SEMA5B: variants seen among roughly 807,000 people sequenced by gnomAD.
SEMA5B encodes semaphorin-5B.
Under a neutral mutation model 135.0 loss-of-function variants are expected in SEMA5B, and 66 were observed. The ratio of observed to expected loss-of-function variants is 0.49; its 90% CI spans 0.40 to 0.60. SEMA5B has a LOEUF of 0.60. Ranked by LOEUF, SEMA5B falls within the 20% of genes least tolerant of loss-of-function variation. The pLI is 0.00. For missense variants in SEMA5B, 1,501 were observed against 1,566.3 expected (o/e 0.96, Z 0.70); for synonymous variants, 690 against 639.5 (o/e 1.08, Z -1.19).
At chr3:122,966,548 A>AT (rs1940832222) in intron 1 of SEMA5B, among the ~76,000 whole-genome samples, 1 of 147,412 alleles carries the variant, frequency 6.8e-6, no homozygotes, top group Non-Finnish European at 1.5e-5. Flanking sequence ...TATTATTATT[A>AT]TTATTATTAT....
intron 1 of SEMA5B, among the ~76,000 whole-genome samples, chr3:123,012,300 C>T (rs1445177373): frequency 3.3e-5 from 5 of 152,148 alleles, no homozygotes; most frequent in Non-Finnish European, 7.4e-5. Context: ...AAGGCTTTCA[C>T]CCACCCCTAA....
At chr3:123,001,559 T>C (rs1294657824) in intron 1 of SEMA5B, among the ~76,000 whole-genome samples, 1 of 152,204 alleles carries the variant, frequency 6.6e-6, no homozygotes, top group Non-Finnish European at 1.5e-5. Flanking sequence ...TAATTCCCAG[T>C]GACCAAAAAT....
intron 1 of SEMA5B, among the ~76,000 whole-genome samples, chr3:122,974,503 G>A (rs543479536): frequency 6.6e-6 from 1 of 152,362 alleles, no homozygotes; most frequent in Non-Finnish European, 1.5e-5. Flanking sequence ...CAAGGCAGCT[G>A]ACTGGTCCTT....
chr3:122,992,619 C>T (rs1052309407), intron 1 of SEMA5B, among the ~76,000 whole-genome samples: 2 of 152,168 alleles, frequency 1.3e-5, no homozygotes, highest in African/African-American at 4.8e-5. Flanking sequence ...ACCTCCTCAC[C>T]CCCTATTGGC....
At chr3:122,993,871 G>A (rs1268273417) in intron 1 of SEMA5B, among the ~76,000 whole-genome samples, 2 of 151,758 alleles carry the variant, frequency 1.3e-5, no homozygotes, top group Non-Finnish European at 2.9e-5. Context: ...AGCATTTCAC[G>A]AAATAGTCAG....
At chr3:122,932,123 A>G (rs1025038982) in intron 5 of SEMA5B, among the ~76,000 whole-genome samples, 5 of 151,918 alleles carry the variant, frequency 3.3e-5, no homozygotes, top group African/African-American at 7.3e-5. Context: ...TTTTTGAACA[A>G]TGTTTTGGTT....
At chr3:122,997,520 C>CCCCCA (rs1560427202) in intron 1 of SEMA5B, among the ~76,000 whole-genome samples, 1 of 135,494 alleles carries the variant, frequency 7.4e-6, no homozygotes, top group East Asian at 2.5e-4. Flanking sequence ...CAGGCCTCTC[C>CCCCCA]CCCCCCCGTC....
Position 122,937,365 on chromosome 3 carries a change from C to T in SEMA5B, c.474+2060G>A, listed in dbSNP as rs184618747. ...CCAGACAACAGACAGGAGGACCGGG[C>T]ACTGAAGACCAGAGGCCAAGGTCTG... is the stretch of plus-strand genomic sequence containing the variant. On this transcript the variant is annotated intron_variant, in intron 5 of 22. Transcript: ENST00000357599. 2.0e-4 allele frequency among the ~76,000 whole-genome samples: 31 copies of T among 152,336 alleles called. No homozygotes were observed. The East Asian group carries it at 5.4e-3, about 27-fold the overall frequency.
At chr3:122,961,478 T>A (rs1470346726) in intron 1 of SEMA5B, among the ~76,000 whole-genome samples, 177 bp from the exon 2 acceptor site, 2 of 151,820 alleles carry the variant, frequency 1.3e-5, no homozygotes, top group African/African-American at 4.8e-5. Flanking sequence ...TTTTTTTTTT[T>A]AGGCGGGGTC....
intron 5 of SEMA5B, among the ~76,000 whole-genome samples, chr3:122,936,458 G>A (rs1404911328): frequency 3.9e-5 from 6 of 152,180 alleles, no homozygotes. Flanking sequence ...TGCCCTCCAT[G>A]TCTGCCCAGG....
At chr3:122,916,519 A>C (rs986618471) in intron 12 of SEMA5B, among the ~76,000 whole-genome samples, 5 of 152,148 alleles carry the variant, frequency 3.3e-5, no homozygotes, top group Non-Finnish European at 5.9e-5. Flanking sequence ...GGGATCCACT[A>C]TACAACCTTT....
intron 5 of SEMA5B, among the ~76,000 whole-genome samples, chr3:122,930,924 G>T (rs1164750253): frequency 6.6e-6 from 1 of 152,150 alleles, no homozygotes; most frequent in Non-Finnish European, 1.5e-5. Flanking sequence ...GCTACATCCT[G>T]CAGCCTCTCA....
intron 14 of SEMA5B, among the ~76,000 whole-genome samples, 172 bp downstream of exon 14, chr3:122,915,268 C>A (rs1938004346): frequency 6.6e-6 from 1 of 152,200 alleles, no homozygotes; most frequent in South Asian, 2.1e-4. Flanking sequence ...GTGGAAACTC[C>A]CTCAGGGCTC....
At chr3:122,927,681 G>A (rs1938713949) in intron 8 of SEMA5B, 109 bp downstream of exon 8, 4 of 751,096 alleles carry the variant, frequency 5.3e-6, no homozygotes, top group Non-Finnish European at 7.7e-6. Context: ...TGAGGCAAGT[G>A]GGAGCACTTG....
rs1576335648 is a variant in SEMA5B at position 122,921,949 on chromosome 3, G to A, written c.1654C>T (p.Pro552Ser). ...CGGTAGGCGGCGCACCTCTCCAGTG[G>A]GACCCGCAGGACGCCGTCTCTCAGC... Reference protein sequence around the residue: ...VGLRDGVLRVPLERCAAYRSQ... With the variant: ...VGLRDGVLRVSLERCAAYRSQ... The change falls in exon 12 of 23, where the codon CCA becomes TCA. Residue 552 changes from proline (P) to serine (S), a missense_variant. Coordinates refer to ENST00000357599, the MANE Select transcript of SEMA5B (RefSeq NM_001031702.4). 6.5e-7 allele frequency: 1 copy of A among 1,535,506 alleles called. No homozygotes were observed. Among genetic ancestry groups the A allele is most frequent in the Non-Finnish European group, 8.7e-7 (1 of 1,145,624 alleles).
intron 1 of SEMA5B, among the ~76,000 whole-genome samples, chr3:122,989,695 G>A (rs1481949109): frequency 2.0e-5 from 3 of 152,224 alleles, no homozygotes; most frequent in Admixed American, 6.5e-5. Flanking sequence ...ACACCCTAGA[G>A]GTTGGAAAGG....
intron 1 of SEMA5B, among the ~76,000 whole-genome samples, chr3:123,013,992 C>A (rs988233430): frequency 1.3e-5 from 2 of 152,226 alleles, no homozygotes; most frequent in Non-Finnish European, 2.9e-5. Context: ...GAGGGCCAAG[C>A]CGGAGGCTGG....
intron 4 of SEMA5B, among the ~76,000 whole-genome samples, chr3:122,940,141 C>G (rs1027226408): frequency 6.6e-6 from 1 of 152,220 alleles, no homozygotes; most frequent in Admixed American, 6.5e-5. Context: ...ACAGGGCTTC[C>G]AGACTTATCA....
At chr3:122,917,530 G>A (rs1938130659) in intron 12 of SEMA5B, among the ~76,000 whole-genome samples, 2 of 152,142 alleles carry the variant, frequency 1.3e-5, no homozygotes, top group African/African-American at 2.4e-5. Context: ...TTCTTAACTT[G>A]CAGTGGGTTC....
Sources: allele counts gnomAD v4.1 joint callset (sites outside exome capture counted in the v4.1 genomes callset), GRCh38; gene constraint gnomAD v4.1.1; transcripts MANE v1.5; gene names NCBI Gene and HGNC (gene_info 2026-07-23, HGNC 2026-07-21).